Variants in KLRF2 observed in about 807,000 individuals in gnomAD.
KLRF2 encodes the protein killer cell lectin like receptor F2, also known as killer cell lectin-like receptor subfamily F member 2.
In KLRF2, 28 loss-of-function variants were observed where a neutral mutation model predicts 25.3. The ratio of observed to expected loss-of-function variants is 1.11; its 90% CI spans 0.82 to 1.52. KLRF2 has a LOEUF of 1.52. Ranked by LOEUF, KLRF2 falls within the 40% of genes most tolerant of loss-of-function variation. The pLI is 0.00. For missense variants in KLRF2, 265 were observed against 245.8 expected (o/e 1.08, Z -0.52); for synonymous variants, 73 against 85.0 (o/e 0.86, Z 0.78).
intron 3 of KLRF2, among the ~76,000 whole-genome samples, chr12:9,892,060 TG>T (rs1657407363): frequency 6.6e-6 from 1 of 152,218 alleles, no homozygotes; most frequent in Non-Finnish European, 1.5e-5. Flanking sequence ...GTGGAGGATA[TG>T]GAGATTTTTA....
chr12:9,890,936 G>A (rs1331171333), intron 3 of KLRF2, among the ~76,000 whole-genome samples: 3 of 152,016 alleles, frequency 2.0e-5, no homozygotes, highest in African/African-American at 7.2e-5. Flanking sequence ...GCATTAAAAT[G>A]TCTTTTTTTC....
rs113772440 is a variant in KLRF2, at chr12:9,895,179, A to G, written c.480-510A>G. Among the ~76,000 whole-genome samples the G allele has an allele frequency of 9.6e-3, 1,465 of 152,300 alleles. 19 individuals are homozygous for G. The highest frequency in any genetic ancestry group is 0.034 in the African/African-American group (1,410 of 41,570). Reference sequence around the variant, plus strand: ...GGGCGACTGCCTCCCAACTCACATCATTATAGCATACCTATCACTATGTAG... The same window carrying G: ...GGGCGACTGCCTCCCAACTCACATCGTTATAGCATACCTATCACTATGTAG... On this transcript the variant is annotated intron_variant, in intron 5 of 5. Coordinates refer to ENST00000535540, the MANE Select transcript of KLRF2 (RefSeq NM_001190765.1).
chr12:9,888,103 A>G (rs1207213768), intron 2 of KLRF2, among the ~76,000 whole-genome samples: 2 of 151,454 alleles, frequency 1.3e-5, no homozygotes, highest in Non-Finnish European at 2.9e-5. Flanking sequence ...AATGAAAAAA[A>G]AAAAGAAAAC....
chr12:9,887,055 A>T (rs1393396319), intron 2 of KLRF2, among the ~76,000 whole-genome samples: 1 of 152,174 alleles, frequency 6.6e-6, no homozygotes, highest in African/African-American at 2.4e-5. Context: ...CTGAGATGGA[A>T]AATCAAAAAA....
chr12:9,892,361 G>T (rs922667528), intron 3 of KLRF2, among the ~76,000 whole-genome samples: 1 of 152,152 alleles, frequency 6.6e-6, no homozygotes, highest in Non-Finnish European at 1.5e-5. Flanking sequence ...AGACAATCTT[G>T]AAATGTCAAA....
intron 3 of KLRF2, among the ~76,000 whole-genome samples, chr12:9,890,076 A>G (rs1490724240): frequency 6.6e-6 from 1 of 152,158 alleles, no homozygotes; most frequent in Non-Finnish European, 1.5e-5. Flanking sequence ...CTGTATCTCC[A>G]CCATCATCAC....
intron 5 of KLRF2, among the ~76,000 whole-genome samples, chr12:9,893,803 C>T (rs948543177): frequency 3.9e-5 from 6 of 151,926 alleles, no homozygotes; most frequent in Non-Finnish European, 8.8e-5. Flanking sequence ...GTTTAATTGT[C>T]CAAAATTCAT....
intron 5 of KLRF2, among the ~76,000 whole-genome samples, chr12:9,894,164 CTTCTTTGTTTCT>C (rs1862726477): frequency 8.0e-6 from 1 of 124,892 alleles, no homozygotes; most frequent in Non-Finnish European, 1.7e-5. Flanking sequence ...CCCTCCCTTC[CTTCTTTGTTTCT>C]TTCTTTCTTT....
At chr12:9,893,708 CCT>C in intron 5 of KLRF2, among the ~76,000 whole-genome samples, 167 bp downstream of exon 5, 1 of 46,054 alleles carries the variant, frequency 2.2e-5, no homozygotes, top group South Asian at 4.3e-4. Flanking sequence ...TTCCTCCCTC[CCT>C]TTTTTTTCTT....
chr12:9,892,233 A>G (rs906230270), intron 3 of KLRF2, among the ~76,000 whole-genome samples: 5 of 152,188 alleles, frequency 3.3e-5, no homozygotes, highest in African/African-American at 1.2e-4. Context: ...GCGGGTAAAG[A>G]AGGAAGAGGA....
chr12:9,881,922 C>A (rs537511178), intron 1 of KLRF2, among the ~76,000 whole-genome samples: 11 of 151,932 alleles, frequency 7.2e-5, no homozygotes, highest in African/African-American at 2.4e-4. Context: ...ACATCACTTT[C>A]GAAGAAAAGG....
At chr12:9,881,990 C>T (rs1868099522) in intron 1 of KLRF2, among the ~76,000 whole-genome samples, 1 of 151,602 alleles carries the variant, frequency 6.6e-6, no homozygotes, top group Non-Finnish European at 1.5e-5. Context: ...TTTATATAAA[C>T]TTAAAGCGTA....
At chr12:9,895,506 G>A (rs1862746692) in intron 5 of KLRF2, among the ~76,000 whole-genome samples, 183 bp from the exon 6 acceptor site, 2 of 152,228 alleles carry the variant, frequency 1.3e-5, no homozygotes, top group Non-Finnish European at 2.9e-5. Context: ...AGCTTGCATG[G>A]TGTTGTTACC....
intron 3 of KLRF2, among the ~76,000 whole-genome samples, chr12:9,889,327 T>C (rs1005435817): frequency 1.7e-4 from 26 of 152,220 alleles, no homozygotes; most frequent in Non-Finnish European, 8.8e-5. Flanking sequence ...CCTAGGCAGT[T>C]TGTCAAATAC....
At chr12:9,893,304 T>TG in intron 4 of KLRF2, 125 bp from the exon 5 acceptor site, 1 of 874,392 alleles carries the variant, frequency 1.1e-6, no homozygotes, top group Non-Finnish European at 1.7e-6. Flanking sequence ...CTATTGTTCA[T>TG]GAAAAAAATG....
chr12:9,884,429 A>G (rs1868128644), intron 1 of KLRF2, among the ~76,000 whole-genome samples: 1 of 151,720 alleles, frequency 6.6e-6, no homozygotes, highest in Admixed American at 6.6e-5. Flanking sequence ...AGTGACTGGT[A>G]TATAATAGAA....
chr12:9,882,200 G>A (rs1392313421), intron 1 of KLRF2, among the ~76,000 whole-genome samples: 39 of 152,100 alleles, frequency 2.6e-4, no homozygotes, highest in Admixed American at 2.6e-3. Context: ...AAACAATCTT[G>A]TTGAAATAGC....
chr12:9,892,029 C>A (rs911020815), intron 3 of KLRF2, among the ~76,000 whole-genome samples: 1 of 152,152 alleles, frequency 6.6e-6, no homozygotes, highest in African/African-American at 2.4e-5. Context: ...GACAGTCCCA[C>A]CTCACAAACC....
chr12:9,886,437 C>T (rs1862598417), intron 2 of KLRF2, among the ~76,000 whole-genome samples: 1 of 152,068 alleles, frequency 6.6e-6, no homozygotes, highest in Non-Finnish European at 1.5e-5. Context: ...TAGCATAATG[C>T]TATTGGATAA....
Sources: allele counts gnomAD v4.1 joint callset (sites outside exome capture counted in the v4.1 genomes callset), GRCh38; gene constraint gnomAD v4.1.1; transcripts MANE v1.5; gene names NCBI Gene and HGNC (gene_info 2026-07-23, HGNC 2026-07-21).